The following ABI3BP variants were observed in gnomAD, a reference collection of about 807,000 sequenced individuals.
The protein encoded by ABI3BP is ABI family member 3 binding protein, also known as target of Nesh-SH3.
In ABI3BP, 216 loss-of-function variants were observed where a neutral mutation model predicts 268.6. That is an observed-to-expected ratio of 0.80 (90% CI 0.72 to 0.90). The LOEUF (loss-of-function observed/expected upper bound fraction) is 0.90, where lower values mean the gene tolerates loss of function less well. ABI3BP is among the 40% of genes least tolerant of loss of function. The probability of loss-of-function intolerance (pLI) is 0.00; values close to 1 mark genes in which losing one functional copy is unlikely to be tolerated. For missense variants in ABI3BP, 2,090 were observed against 2,182.4 expected (o/e 0.96, Z 0.84); for synonymous variants, 730 against 730.0 (o/e 1.00, Z 0.00).
At chr3:100,922,523 C>A (rs1370509772) in intron 2 of ABI3BP, among the ~76,000 whole-genome samples, 1 of 148,588 alleles carries the variant, frequency 6.7e-6, no homozygotes, top group Non-Finnish European at 1.5e-5. Context: ...TGATGTGATG[C>A]GATGGTGATG....
chr3:100,835,611 C>G lies in ABI3BP; in HGVS notation c.2181G>C (p.Val727=), dbSNP rs1045814377. Residue 727 remains valine, a synonymous_variant, in exon 28 of 68, where the codon GTG becomes GTC. Coordinates refer to ENST00000471714, the MANE Select transcript of ABI3BP (RefSeq NM_001375547.2). ...EPVTVRTEAT[V]TTLAPKTSQR... ...ATAAGAGGTCATTACCTAATGTTGT[C>G]ACTGTAGCCTCAGTTCTCACAGTTA... The G allele has an allele frequency of 6.5e-7, 1 of 1,534,902 alleles. No homozygotes were observed. The highest frequency in any genetic ancestry group is 2.0e-5 in the Admixed American group (1 of 50,942).
chr3:100,989,699 T>C (rs996888675), intron 1 of ABI3BP, among the ~76,000 whole-genome samples: 22 of 151,856 alleles, frequency 1.4e-4, no homozygotes, highest in African/African-American at 5.3e-4. Context: ...TATACTGGAG[T>C]TTCCATGCAG....
rs377225809 is a variant in ABI3BP at position 100,875,504 on chromosome 3, T to A, written c.817+4A>T. 40 of 1,603,648 alleles carry A rather than the reference T, an allele frequency of 2.5e-5. No homozygotes were observed. The highest frequency in any genetic ancestry group is 3.2e-5 in the Non-Finnish European group (37 of 1,170,884). On this transcript the variant is annotated splice_donor_region_variant and intron_variant, in intron 8 of 67. Transcript: ENST00000471714. Reference sequence around the variant, plus strand: ...TCTCGGCATAGATTTCGAGATCCACTCACCTAGTATCACTCCTCCCAGTGG... The same window carrying A: ...TCTCGGCATAGATTTCGAGATCCACACACCTAGTATCACTCCTCCCAGTGG...
chr3:100,936,220 T>A (rs562445387), intron 1 of ABI3BP, among the ~76,000 whole-genome samples: 1 of 152,342 alleles, frequency 6.6e-6, no homozygotes, highest in African/African-American at 2.4e-5. Context: ...CTTTTCTGCA[T>A]CTGTTGAGAT....
At position 100,902,604 on chromosome 3, in the gene ABI3BP, G is replaced by A. The variant is rs755161687; in HGVS notation, c.328+14C>T. 4.3e-6 allele frequency: 7 copies of A among 1,612,020 alleles called. No homozygotes were observed. The highest frequency in any genetic ancestry group is 1.7e-5 in the Admixed American group (1 of 59,950). On this transcript the variant is annotated intron_variant, in intron 3 of 67. Coordinates refer to ENST00000471714, the MANE Select transcript of ABI3BP (RefSeq NM_001375547.2). ...GTTCATAAAAGAAAAAGAATTCAATGCAAAGGACTATACCTGAACATGACT... is the reference window on the plus strand; with the variant it reads ...GTTCATAAAAGAAAAAGAATTCAATACAAAGGACTATACCTGAACATGACT...
intron 1 of ABI3BP, among the ~76,000 whole-genome samples, chr3:100,952,058 T>C (rs1349831782): frequency 6.6e-6 from 1 of 152,158 alleles, no homozygotes; most frequent in Non-Finnish European, 1.5e-5. Context: ...CACAGTTGAA[T>C]AAAATCCCAG....
At chr3:100,888,163 TTC>T (rs1261936878) in intron 4 of ABI3BP, among the ~76,000 whole-genome samples, 7 of 152,086 alleles carry the variant, frequency 4.6e-5, no homozygotes, top group Non-Finnish European at 8.8e-5. Flanking sequence ...CAGGGCTCCA[TTC>T]CCCCATTCCA....
At position 100,820,289 on chromosome 3, in the gene ABI3BP, G is replaced by A. The variant is rs1366347024; in HGVS notation, c.2962C>T (p.Gln988Ter). ...WVTTQAPKTS[Q>*]RTRRPRPKTK... ...TTGGGACGTGGACGACGAGTTCGTT[G>A]TGATGTTTTAGGAGCTGAAGAAAGA... is the stretch of plus-strand genomic sequence containing the variant. The change falls in exon 40 of 68, where the codon CAA becomes TAA. Residue 988 changes from glutamine (Q) to a stop codon, truncating the protein, a stop_gained. Coordinates refer to ENST00000471714, the MANE Select transcript of ABI3BP (RefSeq NM_001375547.2). LOFTEE classifies it high-confidence loss of function. 1 of 1,535,972 alleles carries A rather than the reference G, an allele frequency of 6.5e-7. No individual in the cohort carries two copies. Among genetic ancestry groups the A allele is most frequent in the South Asian group, 1.2e-5 (1 of 83,982 alleles).
At chr3:100,910,233 G>A (rs2055707409) in intron 2 of ABI3BP, among the ~76,000 whole-genome samples, 1 of 151,998 alleles carries the variant, frequency 6.6e-6, no homozygotes, top group Non-Finnish European at 1.5e-5. Context: ...CACAGGGAGG[G>A]GAACATCACA....
chr3:100,924,686 A>G (rs2061311363), intron 2 of ABI3BP, among the ~76,000 whole-genome samples: 2 of 152,180 alleles, frequency 1.3e-5, no homozygotes, highest in African/African-American at 4.8e-5. Flanking sequence ...AGTCCATTTA[A>G]TCAATTTTCA....
intron 1 of ABI3BP, among the ~76,000 whole-genome samples, chr3:100,937,230 C>G (rs1035579955): frequency 6.6e-6 from 1 of 152,048 alleles, no homozygotes; most frequent in Non-Finnish European, 1.5e-5. Context: ...ACATCTGGAA[C>G]CTTCATACAT....
chr3:100,918,335 C>T (rs2059303140), intron 2 of ABI3BP, among the ~76,000 whole-genome samples: 1 of 151,666 alleles, frequency 6.6e-6, no homozygotes, highest in African/African-American at 2.4e-5. Context: ...CACCCGTCCA[C>T]CCATCCACCC....
Position 100,898,789 on chromosome 3 carries a change from G to A in ABI3BP, c.434C>T (p.Thr145Ile). 5.6e-6 allele frequency: 9 copies of A among 1,613,702 alleles called. No individual in the cohort carries two copies. The highest frequency in any genetic ancestry group is 6.8e-6 in the Non-Finnish European group (8 of 1,179,740). The change falls in exon 4 of 68, where the codon ACA becomes ATA. Residue 145 changes from threonine to isoleucine, a missense_variant. Thr to Ile is a moderately conservative substitution (Grantham distance 89, BLOSUM62 -1). Transcript: ENST00000471714. The stretch of plus-strand genomic sequence containing the variant: ...GTCATTGGGACAGTGACTTGGCAAT[G>A]TCCAGTCATGGTGTGGGTTGATGAG... Reference protein sequence around the residue: ...GFLINPHHDWTLPSHCPNDRF... With the variant: ...GFLINPHHDWILPSHCPNDRF...
At chr3:100,950,345 C>CA (rs1243954834) in intron 1 of ABI3BP, among the ~76,000 whole-genome samples, 3 of 152,160 alleles carry the variant, frequency 2.0e-5, no homozygotes, top group East Asian at 3.9e-4. Context: ...TGAGTCTCTT[C>CA]AAAAAAACTG....
intron 1 of ABI3BP, among the ~76,000 whole-genome samples, chr3:100,949,387 C>T (rs1361894792): frequency 1.3e-5 from 2 of 152,152 alleles, no homozygotes; most frequent in Non-Finnish European, 2.9e-5. Context: ...TCCCAAGTAG[C>T]TAGGACTACA....
chr3:100,850,276 C>T (rs2098822836), intron 16 of ABI3BP, among the ~76,000 whole-genome samples, 157 bp from the exon 17 acceptor site: 1 of 152,100 alleles, frequency 6.6e-6, no homozygotes, highest in African/African-American at 2.4e-5. Context: ...GAATAAAATT[C>T]TGATTTAAAG....
chr3:100,974,551 A>G (rs1217182210), intron 1 of ABI3BP, among the ~76,000 whole-genome samples: 1 of 152,204 alleles, frequency 6.6e-6, no homozygotes, highest in Non-Finnish European at 1.5e-5. Context: ...AGGCAAAACT[A>G]TAGGGAGAGA....
chr3:100,955,292 T>A (rs974202374), intron 1 of ABI3BP, among the ~76,000 whole-genome samples: 2 of 152,166 alleles, frequency 1.3e-5, no homozygotes, highest in African/African-American at 4.8e-5. Flanking sequence ...CTCAATAGCA[T>A]CATCAGAGCA....
intron 1 of ABI3BP, among the ~76,000 whole-genome samples, chr3:100,966,820 C>T (rs1365628024): frequency 1.3e-5 from 2 of 152,046 alleles, no homozygotes; most frequent in Non-Finnish European, 2.9e-5. Context: ...TGATTATGTC[C>T]CTAGGAGACT....
Sources: gnomAD v4.1 joint callset for allele counts (sites outside exome capture counted in the v4.1 genomes callset) on GRCh38, gnomAD v4.1.1 for gene constraint, MANE v1.5 for transcripts, NCBI Gene and HGNC (gene_info 2026-07-23, HGNC 2026-07-21) for gene names.